Variants in STIMATE observed in about 807,000 individuals in gnomAD.
The protein encoded by STIMATE is store-operated calcium entry regulator STIMATE.
Under a neutral mutation model 36.7 loss-of-function variants are expected in STIMATE, and 15 were observed. That is an observed-to-expected ratio of 0.41 (90% CI 0.27 to 0.63). The LOEUF is 0.63. Among genes scored for constraint, STIMATE ranks in the 20% least tolerant of loss-of-function variants. STIMATE has a pLI of 0.32. For missense variants in STIMATE, 305 were observed against 397.3 expected (o/e 0.77, Z 1.98); for synonymous variants, 163 against 162.3 (o/e 1.00, Z -0.03).
intron 1 of STIMATE, among the ~76,000 whole-genome samples, chr3:52,863,339 G>C (rs1224549591): frequency 6.6e-6 from 1 of 152,116 alleles, no homozygotes; most frequent in South Asian, 2.1e-4. Context: ...AGAAAATGAG[G>C]AAGATGAAAA....
chr3:52,852,719 C>A, intron 2 of STIMATE, 21 bp from the exon 3 acceptor site: 1 of 1,612,742 alleles, frequency 6.2e-7, no homozygotes, highest in Non-Finnish European at 8.5e-7. Flanking sequence ...TAAACCAGCA[C>A]TGGTTATTAG....
chr3:52,896,463 C>CT (rs1257130958), intron 1 of STIMATE, among the ~76,000 whole-genome samples: 2 of 151,596 alleles, frequency 1.3e-5, no homozygotes, highest in Admixed American at 6.6e-5. Context: ...AAACAGAAGC[C>CT]CCCCCCCACC....
rs1381061292 is a variant in STIMATE, at chr3:52,837,791, G to C, written c.*2703C>G. 3 of 152,198 alleles carry C rather than the reference G, an allele frequency of 2.0e-5. No individual in the cohort carries two copies. Among genetic ancestry groups the C allele is most frequent in the African/African-American group, 7.2e-5 (3 of 41,428 alleles). The allele number at this position is 152,198 out of a possible 1,614,324, so 9.4% of individuals were successfully genotyped here. A position where few individuals can be genotyped will look rare whatever the true frequency, so the allele number is the denominator to read the frequency against. ...CTCAACACGGTGATGGATGCCATGT[G>C]GCCAGGTGAAGAGCTGCACCTCGTA... On this transcript the variant is annotated 3_prime_UTR_variant, in exon 8 of 8. Coordinates refer to ENST00000355083, the MANE Select transcript of STIMATE (RefSeq NM_198563.5).
chr3:52,865,679 G>A (rs1187411060), intron 1 of STIMATE, among the ~76,000 whole-genome samples: 3 of 152,178 alleles, frequency 2.0e-5, no homozygotes, highest in Non-Finnish European at 4.4e-5. Context: ...CCCAACGTGG[G>A]AATTATGGGA....
intron 1 of STIMATE, among the ~76,000 whole-genome samples, chr3:52,895,646 G>C (rs1026262607): frequency 6.6e-6 from 1 of 152,222 alleles, no homozygotes; most frequent in African/African-American, 2.4e-5. Context: ...CTTCTCAGCT[G>C]TGAGCAACTC....
At chr3:52,847,521 A>G in intron 4 of STIMATE, 2 of 1,289,758 alleles carry the variant, frequency 1.6e-6, no homozygotes, top group Non-Finnish European at 2.0e-6. Context: ...TGAGTCCCGC[A>G]TTCTCATCAG....
rs34298807 is a variant in STIMATE at position 52,859,502 on chromosome 3, CAAAAAAAAAAAAAAAAA to C, written c.161-4075_161-4059del. ...AGCAACAAAGCAAGACCCATTTCTC[CAAAAAAAAAAAAAAAAA>C]AAAAAAAAAAAATTTTTTTTTTTTT... On this transcript the variant is annotated intron_variant, in intron 1 of 7. Coordinates refer to ENST00000355083, the MANE Select transcript of STIMATE (RefSeq NM_198563.5). Among the ~76,000 whole-genome samples the C allele has an allele frequency of 2.0e-3, 31 of 15,646 alleles. No individual in the cohort carries two copies. The East Asian group carries it at 0.062, about 31-fold the overall frequency. 10.3% of individuals were successfully genotyped at this position (15,646 alleles called of 152,430 possible). A position where few individuals can be genotyped will look rare whatever the true frequency, so the allele number is the denominator to read the frequency against.
chr3:52,860,054 CTT>C (rs11295590), intron 1 of STIMATE, among the ~76,000 whole-genome samples: 20,979 of 132,392 alleles, frequency 0.16, 1,738 homozygotes, highest in Non-Finnish European at 0.21. Context: ...AGTCCAGATT[CTT>C]TTTTTTTTTT....
At chr3:52,888,118 C>T (rs1306871006) in intron 1 of STIMATE, among the ~76,000 whole-genome samples, 1 of 145,880 alleles carries the variant, frequency 6.9e-6, no homozygotes, top group Non-Finnish European at 1.5e-5. Context: ...TACACTATGT[C>T]TTTAGGACCG....
At chr3:52,841,236 C>G (rs1219728337) in intron 7 of STIMATE, among the ~76,000 whole-genome samples, 2 of 152,358 alleles carry the variant, frequency 1.3e-5, no homozygotes, top group African/African-American at 4.8e-5. Context: ...TAAGGTCACC[C>G]TGGCTAAAAA....
intron 2 of STIMATE, among the ~76,000 whole-genome samples, chr3:52,854,087 AT>A (rs1392758473): frequency 1.7e-5 from 2 of 117,032 alleles, no homozygotes; most frequent in East Asian, 5.5e-4. Flanking sequence ...TAAGAAATAT[AT>A]GTATTTGGTC....
intron 1 of STIMATE, among the ~76,000 whole-genome samples, chr3:52,859,373 T>C (rs1185468660): frequency 2.0e-5 from 3 of 148,640 alleles, no homozygotes; most frequent in Admixed American, 2.0e-4. Context: ...AAGTGACTAT[T>C]AACAAAGGCT....
At chr3:52,882,002 AAAG>A (rs1471816034) in intron 1 of STIMATE, among the ~76,000 whole-genome samples, 2 of 152,234 alleles carry the variant, frequency 1.3e-5, no homozygotes, top group Non-Finnish European at 2.9e-5. Flanking sequence ...TTAATGGCCT[AAAG>A]AAGTAAACAT....
intron 1 of STIMATE, among the ~76,000 whole-genome samples, chr3:52,868,324 T>G (rs1701346336): frequency 6.6e-6 from 1 of 152,212 alleles, no homozygotes; most frequent in Admixed American, 6.5e-5. Flanking sequence ...GGTGTGGCCA[T>G]GTGACTCAGT....
intron 2 of STIMATE, 101 bp downstream of exon 2, chr3:52,855,295 T>C: frequency 1.4e-6 from 2 of 1,409,142 alleles, no homozygotes; most frequent in Non-Finnish European, 1.9e-6. Flanking sequence ...ATTTCTCACA[T>C]TCCATGCCCT....
At chr3:52,863,366 A>T (rs1288779720) in intron 1 of STIMATE, among the ~76,000 whole-genome samples, 1 of 152,218 alleles carries the variant, frequency 6.6e-6, no homozygotes, top group Admixed American at 6.5e-5. Flanking sequence ...AACCTCTGAT[A>T]AAATCATCAG....
intron 1 of STIMATE, among the ~76,000 whole-genome samples, chr3:52,870,904 G>A (rs531556939): frequency 2.0e-5 from 3 of 151,990 alleles, no homozygotes; most frequent in Non-Finnish European, 4.4e-5. Context: ...GAAGGTCTGG[G>A]GGAAGGCGGG....
intron 1 of STIMATE, among the ~76,000 whole-genome samples, chr3:52,885,061 C>A (rs1559498982): frequency 6.6e-6 from 1 of 152,138 alleles, no homozygotes; most frequent in Non-Finnish European, 1.5e-5. Context: ...AGTTCATATT[C>A]TCTTCTAATC....
In STIMATE at chr3:52,837,787, A is replaced by G. The variant is rs1700729646; in HGVS notation, c.*2707T>C. The G allele has an allele frequency of 6.6e-6, 1 of 152,216 alleles. No individual in the cohort carries two copies. Among genetic ancestry groups the G allele is most frequent in the South Asian group, 2.1e-4 (1 of 4,834 alleles). The allele number at this position is 152,216 out of a possible 1,614,324, so 9.4% of individuals were successfully genotyped here. A position where few individuals can be genotyped will look rare whatever the true frequency, so the allele number is the denominator to read the frequency against. On this transcript the variant is annotated 3_prime_UTR_variant, in exon 8 of 8. Coordinates refer to ENST00000355083, the MANE Select transcript of STIMATE (RefSeq NM_198563.5). ...ATTTCTCAACACGGTGATGGATGCCATGTGGCCAGGTGAAGAGCTGCACCT... is the reference window on the plus strand; with the variant it reads ...ATTTCTCAACACGGTGATGGATGCCGTGTGGCCAGGTGAAGAGCTGCACCT...
Sources: allele counts gnomAD v4.1 joint callset (sites outside exome capture counted in the v4.1 genomes callset), GRCh38; gene constraint gnomAD v4.1.1; transcripts MANE v1.5; gene names NCBI Gene and HGNC (gene_info 2026-07-23, HGNC 2026-07-21).